The following SIPA1L1 variants were observed in gnomAD, a reference collection of about 807,000 sequenced individuals.
SIPA1L1 encodes the protein signal induced proliferation associated 1 like 1, also known as signal-induced proliferation-associated 1-like protein 1.
SIPA1L1 carries 26 observed loss-of-function variants against 162.7 expected under a neutral mutation model. That is an observed-to-expected ratio of 0.16 (90% CI 0.12 to 0.22). SIPA1L1 has a LOEUF of 0.22. SIPA1L1 is among the 10% of genes least tolerant of loss of function. The probability of loss-of-function intolerance (pLI) is 1.00; values close to 1 mark genes in which losing one functional copy is unlikely to be tolerated. For missense variants in SIPA1L1, 1,874 were observed against 2,241.0 expected (o/e 0.84, Z 3.31); for synonymous variants, 829 against 837.4 (o/e 0.99, Z 0.17).
chr14:71,658,506 T>C lies in SIPA1L1; in HGVS notation c.2097+70T>C, dbSNP rs2043250641. ...TCCTCTAGAAGCCTAAGTGGCAAGT[T>C]TGTAAAATCTTAAACCAGAATTTAG... is the stretch of plus-strand genomic sequence containing the variant. On this transcript the variant is annotated intron_variant, in intron 9 of 23. Coordinates refer to ENST00000381232, the MANE Select transcript of SIPA1L1 (RefSeq NM_001386936.1). The C allele has an allele frequency of 6.0e-5, 60 of 1,006,392 alleles. 3 individuals carry two copies. The South Asian group carries it at 7.6e-4, about 13-fold the overall frequency. The allele number at this position is 1,006,392 out of a possible 1,614,324, so 62.3% of individuals were successfully genotyped here.
chr14:71,642,862 A>G (rs2041845812), intron 7 of SIPA1L1, among the ~76,000 whole-genome samples: 2 of 152,190 alleles, frequency 1.3e-5, no homozygotes, highest in South Asian at 4.1e-4. Flanking sequence ...TATGAAAGCT[A>G]CAATATCTGA....
At chr14:71,722,496 A>T (rs1263744529) in intron 17 of SIPA1L1, among the ~76,000 whole-genome samples, 2 of 152,246 alleles carry the variant, frequency 1.3e-5, no homozygotes, top group Non-Finnish European at 2.9e-5. Flanking sequence ...TTGTAGCAAG[A>T]GTCAGCCATC....
intron 2 of SIPA1L1, among the ~76,000 whole-genome samples, chr14:71,370,779 C>T (rs921542965): frequency 1.3e-5 from 2 of 152,112 alleles, no homozygotes; most frequent in African/African-American, 2.4e-5. Context: ...CTGTGATGCT[C>T]AACAGTCGCC....
At chr14:71,670,829 G>A (rs1410236495) in intron 10 of SIPA1L1, among the ~76,000 whole-genome samples, 3 of 151,864 alleles carry the variant, frequency 2.0e-5, no homozygotes, top group African/African-American at 7.3e-5. Context: ...TTTTTTCATG[G>A]AGTTTTGGTC....
At chr14:71,570,621 G>A (rs2031795113) in intron 4 of SIPA1L1, among the ~76,000 whole-genome samples, 1 of 151,970 alleles carries the variant, frequency 6.6e-6, no homozygotes, top group Admixed American at 6.6e-5. Flanking sequence ...AGTTATAGCA[G>A]ACATATTAGC....
chr14:71,565,793 T>A (rs1480975913), intron 4 of SIPA1L1, among the ~76,000 whole-genome samples: 1 of 148,680 alleles, frequency 6.7e-6, no homozygotes, highest in Non-Finnish European at 1.5e-5. Context: ...GTAATTACAG[T>A]TTTTGGAAAA....
At chr14:71,391,963 C>T (rs760096416) in intron 2 of SIPA1L1, among the ~76,000 whole-genome samples, 11 of 152,236 alleles carry the variant, frequency 7.2e-5, no homozygotes, top group East Asian at 1.9e-4. Context: ...TAAGATTCCA[C>T]GCTGTTAAAG....
chr14:71,543,888 TATC>T (rs1333569871), intron 4 of SIPA1L1, among the ~76,000 whole-genome samples: 6 of 113,620 alleles, frequency 5.3e-5, no homozygotes, highest in African/African-American at 2.0e-4. Flanking sequence ...TATATACATA[TATC>T]ATACGTATAT....
chr14:71,347,690 C>A (rs1357674516), intron 2 of SIPA1L1, among the ~76,000 whole-genome samples: 1 of 152,044 alleles, frequency 6.6e-6, no homozygotes, highest in Non-Finnish European at 1.5e-5. Flanking sequence ...TATGGCTTTT[C>A]TTTTTATTTT....
chr14:71,590,084 CACACACATATAT>C (rs575645369), intron 5 of SIPA1L1, among the ~76,000 whole-genome samples: 66 of 132,216 alleles, frequency 5.0e-4, no homozygotes, highest in South Asian at 1.9e-3. Flanking sequence ...TATGTACACA[CACACACATATAT>C]ACACACATAT....
chr14:71,639,769 C>T (rs2041519926), intron 7 of SIPA1L1, among the ~76,000 whole-genome samples: 1 of 152,210 alleles, frequency 6.6e-6, no homozygotes, highest in African/African-American at 2.4e-5. Context: ...GAAATAGCCC[C>T]ACACAAATAT....
Position 71,723,178 on chromosome 14 carries a change from G to A in SIPA1L1, c.4209-469G>A, listed in dbSNP as rs59858145. Among the ~76,000 whole-genome samples, 800 of 152,360 alleles carry A rather than the reference G, an allele frequency of 5.3e-3. 8 individuals are homozygous for A. The highest frequency in any genetic ancestry group is 0.018 in the African/African-American group (748 of 41,588). On this transcript the variant is annotated intron_variant, in intron 17 of 23. Coordinates refer to ENST00000381232, the MANE Select transcript of SIPA1L1 (RefSeq NM_001386936.1). ...AGCACTCACTGTGCCCCTTGGCCTT[G>A]GATGTGAGTCTGAAGAGCCATAGCC...
chr14:71,394,573 A>G (rs1023601581), intron 2 of SIPA1L1, among the ~76,000 whole-genome samples: 2 of 152,194 alleles, frequency 1.3e-5, no homozygotes, highest in African/African-American at 2.4e-5. Flanking sequence ...TGCTATAGAC[A>G]TCCGTTGTAA....
At chr14:71,568,974 G>A (rs1423902668) in intron 4 of SIPA1L1, among the ~76,000 whole-genome samples, 1 of 152,130 alleles carries the variant, frequency 6.6e-6, no homozygotes, top group Admixed American at 6.5e-5. Flanking sequence ...CAGATTAATA[G>A]TTATTAAATC....
At chr14:71,544,210 T>C (rs1042749299) in intron 4 of SIPA1L1, among the ~76,000 whole-genome samples, 10 of 151,296 alleles carry the variant, frequency 6.6e-5, no homozygotes, top group African/African-American at 2.2e-4. Flanking sequence ...TGTATGCACA[T>C]GCATGTGTAT....
At chr14:71,655,971 CT>C (rs1314276232) in intron 8 of SIPA1L1, among the ~76,000 whole-genome samples, 1 of 151,960 alleles carries the variant, frequency 6.6e-6, no homozygotes, top group Non-Finnish European at 1.5e-5. Flanking sequence ...TTTTTTCATT[CT>C]TTCTGGTAAA....
At chr14:71,462,420 T>A (rs569383295) in intron 2 of SIPA1L1, among the ~76,000 whole-genome samples, 1 of 152,272 alleles carries the variant, frequency 6.6e-6, no homozygotes, top group African/African-American at 2.4e-5. Context: ...TGGACCCCAC[T>A]CAAAACTGGC....
chr14:71,341,975 A>G (rs1039242127), intron 2 of SIPA1L1, among the ~76,000 whole-genome samples: 3 of 151,994 alleles, frequency 2.0e-5, no homozygotes, highest in Admixed American at 1.3e-4. Flanking sequence ...GTGTGAGTGT[A>G]TGTGTCTTTT....
chr14:71,331,397 T>G (rs898592436), intron 2 of SIPA1L1, among the ~76,000 whole-genome samples: 3 of 152,234 alleles, frequency 2.0e-5, no homozygotes, highest in Admixed American at 2.0e-4. Context: ...AAAGAATTTT[T>G]CCTGTTTTTG....
Sources: allele counts gnomAD v4.1 joint callset (sites outside exome capture counted in the v4.1 genomes callset), GRCh38; gene constraint gnomAD v4.1.1; transcripts MANE v1.5; gene names NCBI Gene and HGNC (gene_info 2026-07-23, HGNC 2026-07-21).